Variants in FREM3 observed in about 807,000 individuals in gnomAD.
FREM3 encodes FRAS1 related extracellular matrix 3, also known as FRAS1-related extracellular matrix protein 3.
In FREM3, 105 loss-of-function variants were observed where a neutral mutation model predicts 129.1. The ratio of observed to expected loss-of-function variants is 0.81; its 90% CI spans 0.69 to 0.96. The LOEUF is 0.96. FREM3 is among the 40% of genes least tolerant of loss of function. The pLI is 0.00. For synonymous variants in FREM3, 1,014 were observed against 1,044.9 expected (o/e 0.97, Z 0.57); for missense variants, 2,593 against 2,666.3 (o/e 0.97, Z 0.61).
At position 143,620,863 on chromosome 4, in the gene FREM3, G is replaced by A. The variant is rs186942139; in HGVS notation, c.5779+174C>T. Among the ~76,000 whole-genome samples the A allele has an allele frequency of 9.3e-4, 141 of 152,240 alleles. 2 individuals carry two copies. Among genetic ancestry groups the A allele is most frequent in the African/African-American group, 3.2e-3 (134 of 41,536 alleles). ...TTGAGGAGACCAGCTCAGAGGAGTA[G>A]GGCACCTGCACAGAGTCAGGAAAGG... On this transcript the variant is annotated intron_variant, in intron 5 of 7. Transcript: ENST00000329798.
chr4:143,673,465 A>AG, intron 2 of FREM3, among the ~76,000 whole-genome samples: 1 of 152,152 alleles, frequency 6.6e-6, no homozygotes, highest in Non-Finnish European at 1.5e-5. Context: ...TTCGTCTCAG[A>AG]GGGGTACCCG....
rs1268480051 is a variant in FREM3 at position 143,699,368 on chromosome 4, G to A, written c.1308C>T (p.Ser436=). 6 of 1,537,144 alleles carry A rather than the reference G, an allele frequency of 3.9e-6. No individual in the cohort carries two copies. Among genetic ancestry groups the A allele is most frequent in the Non-Finnish European group, 5.2e-6 (6 of 1,146,916 alleles). ...CAAAAAGCACAAGTCCCCTGTTATG[G>A]CTAGCCACTGGGACCAGAGTATTCA... ...KSMNTLVPVA[S]HNRGLVLFEG... is the part of the protein sequence containing the mutation. The change falls in exon 1 of 8, where the codon AGC becomes AGT. Residue 436 remains serine (S), a synonymous_variant. Transcript: ENST00000329798. The surrounding 1 kb of genome is among the most constrained non-coding windows in gnomAD (Gnocchi z 4.2).
chr4:143,651,747 A>C (rs1739514298), intron 2 of FREM3, among the ~76,000 whole-genome samples: 1 of 152,236 alleles, frequency 6.6e-6, no homozygotes. Flanking sequence ...GAAATGCTTT[A>C]ACCTGTGAGA....
chr4:143,636,360 G>A (rs1323205865), intron 2 of FREM3, among the ~76,000 whole-genome samples: 2 of 148,314 alleles, frequency 1.3e-5, no homozygotes, highest in South Asian at 2.1e-4. Context: ...AAAAGACATG[G>A]AGAGATGGTC....
intron 2 of FREM3, among the ~76,000 whole-genome samples, chr4:143,630,116 C>A (rs916184342): frequency 6.6e-6 from 1 of 152,056 alleles, no homozygotes; most frequent in Non-Finnish European, 1.5e-5. Flanking sequence ...TGATCATGAA[C>A]AAATTATGGA....
At chr4:143,657,493 ACTGACC>A (rs1739622703) in intron 2 of FREM3, among the ~76,000 whole-genome samples, 1 of 152,184 alleles carries the variant, frequency 6.6e-6, no homozygotes, top group Admixed American at 6.5e-5. Context: ...CAGAGCTGGG[ACTGACC>A]CTTAAGTCTC....
Position 143,700,162 on chromosome 4 carries a change from G to T in FREM3, c.514C>A (p.Arg172Ser), listed in dbSNP as rs763649408. Reference sequence around the variant, plus strand: ...TTCTCCACTACCAAAGGCCTGTTACGCGTCACCAGCTCCAGCTGGGAGAAG... The same window carrying T: ...TTCTCCACTACCAAAGGCCTGTTACTCGTCACCAGCTCCAGCTGGGAGAAG... ...LVFSQLELVT[R>S]NRPLVVEKLR... Residue 172 changes from arginine (R) to serine (S), a missense_variant, in exon 1 of 8, where the codon CGT (arginine) becomes AGT (serine). By Grantham distance (110) the Arg-to-Ser change is moderately radical (BLOSUM62 -1). Around this residue, in one of 2 missense-constraint regions of FREM3, gnomAD observed 2,276 missense variants for 2,267.2 expected, o/e 1.00. Coordinates refer to ENST00000329798, the MANE Select transcript of FREM3 (RefSeq NM_001168235.2). 42 of 1,536,994 alleles carry T rather than the reference G, an allele frequency of 2.7e-5. No individual in the cohort carries two copies. The highest frequency in any genetic ancestry group is 3.5e-5 in the Non-Finnish European group (40 of 1,146,908).
intron 2 of FREM3, among the ~76,000 whole-genome samples, chr4:143,663,755 C>T (rs1023980620): frequency 2.0e-5 from 3 of 152,078 alleles, no homozygotes; most frequent in African/African-American, 7.2e-5. Flanking sequence ...TTCACATAGT[C>T]CCATATTTCT....
chr4:143,627,730 T>C lies in FREM3; in HGVS notation c.5306A>G (p.His1769Arg), dbSNP rs1739066701. The C allele has an allele frequency of 6.5e-7, 1 of 1,535,662 alleles. No homozygotes were observed. Among genetic ancestry groups the C allele is most frequent in the Admixed American group, 2.0e-5 (1 of 50,938 alleles). Residue 1769 changes from histidine (H) to arginine (R), a missense_variant, in exon 3 of 8, where the codon CAT becomes CGT. Coordinates refer to ENST00000329798, the MANE Select transcript of FREM3 (RefSeq NM_001168235.2). The part of the protein sequence containing the change: ...GGNKLTNQPF[H>R]LNWAWICLEK... ...CAAACAAATCCAAGCCCAGTTTAGA[T>C]GGAAAGGCTGATTTGTTAGTTTATT...
At chr4:143,608,338 G>A (rs995117383) in intron 6 of FREM3, among the ~76,000 whole-genome samples, 1 of 152,086 alleles carries the variant, frequency 6.6e-6, no homozygotes, top group African/African-American at 2.4e-5. Flanking sequence ...TCATTCTTTT[G>A]TAAGGTGGTC....
chr4:143,637,690 T>A (rs995974577), intron 2 of FREM3, among the ~76,000 whole-genome samples: 35 of 152,084 alleles, frequency 2.3e-4, no homozygotes, highest in African/African-American at 2.4e-5. Context: ...AATAGGCTAT[T>A]TTGTGCAACC....
In FREM3 at chr4:143,700,242, T is replaced by C. The variant is rs1427884259; in HGVS notation, c.434A>G (p.Tyr145Cys). 2.0e-6 allele frequency: 3 copies of C among 1,536,706 alleles called. 1 individual carries two copies. The highest frequency in any genetic ancestry group is 2.4e-5 in the South Asian group (2 of 84,066). ...CACCAGAGTGTGAGTCGGGGCGTCG[T>C]AGCGCAGCTGCAGCAGCACCCGGGC... ...GRARVLLQLRYDAPTHTLVLP... is the reference protein window; with the variant it reads ...GRARVLLQLRCDAPTHTLVLP... The change falls in exon 1 of 8, where the codon TAC (tyrosine) becomes TGC (cysteine). Residue 145 changes from tyrosine (Y) to cysteine (C), a missense_variant. Coordinates refer to ENST00000329798, the MANE Select transcript of FREM3 (RefSeq NM_001168235.2).
chr4:143,688,053 A>G (rs1404886154), intron 2 of FREM3, among the ~76,000 whole-genome samples: 1 of 152,174 alleles, frequency 6.6e-6, no homozygotes, highest in Non-Finnish European at 1.5e-5. Context: ...CATCCAAATC[A>G]GTAAAGATGA....
At chr4:143,676,749 GAAAC>G (rs936231620) in intron 2 of FREM3, among the ~76,000 whole-genome samples, 75 of 152,048 alleles carry the variant, frequency 4.9e-4, no homozygotes, top group African/African-American at 1.3e-3. Context: ...ACACCAATAA[GAAAC>G]AAACAGACCG....
Position 143,696,752 on chromosome 4 carries a change from G to A in FREM3, c.3924C>T (p.His1308=). 1.3e-6 allele frequency: 2 copies of A among 1,537,890 alleles called. No individual in the cohort carries two copies. The highest frequency in any genetic ancestry group is 1.2e-5 in the South Asian group (1 of 84,052). ...CCTTCAGCCCATTGTTGACAGTCAG[G>A]TGAGGAGTTTCATCATCCACTAGGG... is the stretch of plus-strand genomic sequence containing the variant. The part of the protein sequence containing the change: ...VVTLVDDETP[H]LTVNNGLKVE... Residue 1308 remains histidine, a synonymous_variant, in exon 1 of 8, where the codon CAC becomes CAT. Coordinates refer to ENST00000329798, the MANE Select transcript of FREM3 (RefSeq NM_001168235.2).
intron 6 of FREM3, 44 bp from the exon 7 acceptor site, chr4:143,586,037 C>CT: frequency 6.5e-7 from 1 of 1,528,966 alleles, no homozygotes; most frequent in Non-Finnish European, 8.8e-7. Flanking sequence ...TTCAGCCTGC[C>CT]TGGTATACTG....
intron 5 of FREM3, among the ~76,000 whole-genome samples, chr4:143,619,888 A>G (rs1738916659): frequency 6.6e-6 from 1 of 152,136 alleles, no homozygotes; most frequent in South Asian, 2.1e-4. Flanking sequence ...AAAAAAAACC[A>G]AAACATTGTT....
At chr4:143,685,743 T>G (rs1740352481) in intron 2 of FREM3, among the ~76,000 whole-genome samples, 1 of 151,976 alleles carries the variant, frequency 6.6e-6, no homozygotes, top group Admixed American at 6.6e-5. Flanking sequence ...TTCATCCATG[T>G]CCAAACTAAC....
chr4:143,625,183 C>T (rs577406747), intron 3 of FREM3, among the ~76,000 whole-genome samples: 1 of 152,212 alleles, frequency 6.6e-6, no homozygotes, highest in South Asian at 2.1e-4. Flanking sequence ...TCCTCTCAAC[C>T]CAAAGTGTTC....
Sources: gnomAD v4.1 joint callset for allele counts (sites outside exome capture counted in the v4.1 genomes callset) on GRCh38, gnomAD v4.1.1 for gene constraint, gnomAD v4.1.1 regional missense constraint, Gnocchi (gnomAD v3.1) non-coding constraint, MANE v1.5 for transcripts, NCBI Gene and HGNC (gene_info 2026-07-23, HGNC 2026-07-21) for gene names.